The following ERICH1 variants were observed in gnomAD, a reference collection of about 807,000 sequenced individuals.
The protein encoded by ERICH1 is glutamate rich 1, also known as glutamate-rich protein 1.
A neutral mutation model predicts 39.6 loss-of-function variants in ERICH1; 56 were observed. The observed-to-expected ratio is 1.41, with a 90% CI of 1.14 to 1.77. ERICH1 has a LOEUF of 1.77. Ranked by LOEUF, ERICH1 falls within the 40% of genes most tolerant of loss-of-function variation. ERICH1 has a pLI of 0.00. For synonymous variants in ERICH1, 313 were observed against 223.6 expected, an observed-to-expected ratio of 1.40 and a Z score of -3.57; for missense variants, 826 against 575.4, an observed-to-expected ratio of 1.44 and a Z score of -4.45.
chr8:731,022 T>C (rs1819865358), intron 1 of ERICH1, 118 bp downstream of exon 1: 4 of 1,212,492 alleles, frequency 3.3e-6, no homozygotes, highest in African/African-American at 1.6e-5. Context: ...GGGGAGTCGG[T>C]CTGGGTTTGG....
At chr8:700,479 G>GGCGCACAGGCCCGCACAC (rs1811813218) in intron 2 of ERICH1, among the ~76,000 whole-genome samples, 2 of 18,200 alleles carry the variant, frequency 1.1e-4, no homozygotes, top group East Asian at 8.7e-4. Context: ...GACCCGCACA[G>GGCGCACAGGCCCGCACAC]GCGCACAGGC....
intron 2 of ERICH1, among the ~76,000 whole-genome samples, chr8:693,428 G>A (rs537128026): frequency 4.5e-4 from 69 of 152,358 alleles, no homozygotes; most frequent in African/African-American, 1.7e-3. Flanking sequence ...CATATCCCAT[G>A]CGATGGAATT....
intron 1 of ERICH1, among the ~76,000 whole-genome samples, chr8:721,948 T>C (rs1817422441): frequency 6.6e-6 from 1 of 152,044 alleles, no homozygotes; most frequent in African/African-American, 2.4e-5. Flanking sequence ...TCACAATGTG[T>C]TGAAAACAAA....
intron 3 of ERICH1, among the ~76,000 whole-genome samples, chr8:631,600 G>T (rs1179842636): frequency 6.6e-6 from 1 of 152,190 alleles, no homozygotes; most frequent in South Asian, 2.1e-4. Flanking sequence ...GCCAGGGAGT[G>T]GGGGCAATGC....
chr8:658,995 TGTGC>T (rs1563198225), intron 3 of ERICH1, among the ~76,000 whole-genome samples: 1 of 115,194 alleles, frequency 8.7e-6, no homozygotes, highest in African/African-American at 2.8e-5. Flanking sequence ...ACATCTCCGG[TGTGC>T]ACTGAGCATC....
chr8:618,545 C>G (rs1336887646), intron 3 of ERICH1, among the ~76,000 whole-genome samples: 1 of 152,222 alleles, frequency 6.6e-6, no homozygotes, highest in African/African-American at 2.4e-5. Flanking sequence ...GAGTGAGTGA[C>G]TGACAGAGCC....
intron 3 of ERICH1, among the ~76,000 whole-genome samples, chr8:681,312 A>C (rs1347133889): frequency 2.0e-5 from 3 of 152,236 alleles, no homozygotes; most frequent in African/African-American, 7.2e-5. Flanking sequence ...TGTAAAAAAT[A>C]GCTTATAATC....
intron 3 of ERICH1, among the ~76,000 whole-genome samples, chr8:678,094 AT>A (rs1206386543): frequency 6.6e-6 from 1 of 152,110 alleles, no homozygotes; most frequent in Admixed American, 6.5e-5. Flanking sequence ...AGTTTGTCAT[AT>A]TTTTTTCACA....
intron 3 of ERICH1, among the ~76,000 whole-genome samples, chr8:619,646 C>G (rs1321069519): frequency 2.6e-5 from 4 of 152,178 alleles, no homozygotes; most frequent in Non-Finnish European, 5.9e-5. Context: ...CTCTCAACTT[C>G]CTTAAAAGAC....
At chr8:669,874 G>C (rs1802895848) in intron 4 of ERICH1, among the ~76,000 whole-genome samples, 1 of 152,178 alleles carries the variant, frequency 6.6e-6, no homozygotes, top group African/African-American at 2.4e-5. Context: ...GGTGGTTTCG[G>C]CGTTAACCCT....
chr8:723,347 C>G (rs1222729615), intron 1 of ERICH1, among the ~76,000 whole-genome samples: 1 of 152,228 alleles, frequency 6.6e-6, no homozygotes, highest in South Asian at 2.1e-4. Context: ...CTAACACTCA[C>G]AGAGAACAAA....
intron 3 of ERICH1, among the ~76,000 whole-genome samples, chr8:654,024 G>T (rs1800304234): frequency 6.6e-6 from 1 of 152,216 alleles, no homozygotes; most frequent in Admixed American, 6.5e-5. Flanking sequence ...AGGATGGCTG[G>T]TGGCTGCCAG....
At chr8:717,285 A>G (rs1022901603) in intron 1 of ERICH1, among the ~76,000 whole-genome samples, 7 of 152,202 alleles carry the variant, frequency 4.6e-5, no homozygotes, top group Non-Finnish European at 5.9e-5. Context: ...TATTTTGAAT[A>G]TGATGCAGAA....
chr8:684,244 G>C (rs987229693), intron 3 of ERICH1, among the ~76,000 whole-genome samples: 1 of 152,134 alleles, frequency 6.6e-6, no homozygotes, highest in African/African-American at 2.4e-5. Context: ...AAGTCATTAA[G>C]TTAAAATTAG....
At chr8:664,776 C>A in intron 5 of ERICH1, 100 bp from the exon 6 acceptor site, 1 of 905,984 alleles carries the variant, frequency 1.1e-6, no homozygotes, top group Non-Finnish European at 1.7e-6. Context: ...CCAAAGTGAA[C>A]TCCCAAATAA....
chr8:688,779 T>C (rs968200832), intron 3 of ERICH1, among the ~76,000 whole-genome samples: 1 of 152,294 alleles, frequency 6.6e-6, no homozygotes, highest in African/African-American at 2.4e-5. Flanking sequence ...AATCTGAGCT[T>C]CCTGGTGGCA....
intron 3 of ERICH1, among the ~76,000 whole-genome samples, chr8:635,985 C>A (rs1251545191): frequency 6.6e-6 from 1 of 152,234 alleles, no homozygotes; most frequent in East Asian, 1.9e-4. Context: ...GCCTCCGCCT[C>A]GGCAGAAACA....
At chr8:724,218 A>C (rs7836526) in intron 1 of ERICH1, among the ~76,000 whole-genome samples, 74,208 of 151,886 alleles carry the variant, frequency 0.49, 18,269 homozygotes, top group East Asian at 0.56. Context: ...AACAAAGAAG[A>C]AAGCCGGGCA....
intron 3 of ERICH1, among the ~76,000 whole-genome samples, chr8:682,809 C>T (rs548527745): frequency 3.9e-5 from 6 of 152,296 alleles, no homozygotes; most frequent in South Asian, 2.1e-4. Context: ...CACCTTCTTA[C>T]GTGAAAGTAG....
Sources: allele counts gnomAD v4.1 joint callset (sites outside exome capture counted in the v4.1 genomes callset), GRCh38; gene constraint gnomAD v4.1.1; transcripts MANE v1.5; gene names NCBI Gene and HGNC (gene_info 2026-07-23, HGNC 2026-07-21).